The following DOCK1 variants were observed in gnomAD, a reference collection of about 807,000 sequenced individuals.
DOCK1 encodes dedicator of cytokinesis protein 1.
Under a neutral mutation model 262.7 loss-of-function variants are expected in DOCK1, and 138 were observed. The observed-to-expected ratio is 0.53, with a 90% CI of 0.46 to 0.61. The LOEUF is 0.61. Among genes scored for constraint, DOCK1 ranks in the 20% least tolerant of loss-of-function variants. The probability of loss-of-function intolerance (pLI) is 0.00; values close to 1 mark genes in which losing one functional copy is unlikely to be tolerated. For missense variants in DOCK1, 1,908 were observed against 2,370.7 expected, an observed-to-expected ratio of 0.80 and a Z score of 4.05; for synonymous variants, 866 against 867.4, an observed-to-expected ratio of 1.00 and a Z score of 0.03.
At chr10:127,023,084 A>G (rs2042558590) in intron 13 of DOCK1, 116 bp from the exon 14 acceptor site, 2 of 1,181,652 alleles carry the variant, frequency 1.7e-6, no homozygotes, top group African/African-American at 1.6e-5. Flanking sequence ...ATATTTCATA[A>G]TCATCTAATA....
chr10:127,265,543 C>T (rs1564949952), intron 29 of DOCK1, among the ~76,000 whole-genome samples: 1 of 152,200 alleles, frequency 6.6e-6, no homozygotes, highest in African/African-American at 2.4e-5. Context: ...ATGATTCATC[C>T]TTCTTTCAAC....
chr10:127,156,519 ACTTTT>A (rs1298958857), intron 27 of DOCK1, among the ~76,000 whole-genome samples: 1 of 127,846 alleles, frequency 7.8e-6, no homozygotes, highest in African/African-American at 2.9e-5. Context: ...TCTTTTCTTT[ACTTTT>A]CTTTTCTCTT....
intron 1 of DOCK1, among the ~76,000 whole-genome samples, chr10:126,948,636 G>T (rs1181671139): frequency 6.6e-6 from 1 of 151,944 alleles, no homozygotes; most frequent in Non-Finnish European, 1.5e-5. Flanking sequence ...TTCCCGATGT[G>T]GGGTTGCAGG....
At chr10:127,277,592 T>C (rs2060787740) in intron 29 of DOCK1, among the ~76,000 whole-genome samples, 1 of 152,116 alleles carries the variant, frequency 6.6e-6, no homozygotes, top group African/African-American at 2.4e-5. Context: ...ACCTCGTCTC[T>C]ACTAAAAAAT....
chr10:127,204,812 G>T (rs938112587), intron 27 of DOCK1, among the ~76,000 whole-genome samples: 1 of 152,174 alleles, frequency 6.6e-6, no homozygotes, highest in Non-Finnish European at 1.5e-5. Context: ...GGCTTTGAGA[G>T]GCCGTGATAG....
chr10:127,386,554 C>T (rs1250230226), intron 38 of DOCK1, among the ~76,000 whole-genome samples: 4 of 151,284 alleles, frequency 2.6e-5, no homozygotes, highest in Non-Finnish European at 4.4e-5. Context: ...ATCTAGGTGC[C>T]ATACTCCTCA....
chr10:126,976,827 G>T (rs545395658), intron 2 of DOCK1, among the ~76,000 whole-genome samples: 2 of 151,842 alleles, frequency 1.3e-5, no homozygotes, highest in African/African-American at 4.8e-5. Context: ...TCTGCCTCTC[G>T]GGTTTAAGCA....
rs747196591 is a variant in DOCK1 at position 127,061,731 on chromosome 10, C to A, written c.2400C>A (p.Ile800=). 6.3e-7 allele frequency: 1 copy of A among 1,597,378 alleles called. No individual in the cohort carries two copies. Among genetic ancestry groups the A allele is most frequent in the East Asian group, 2.3e-5 (1 of 44,312 alleles). ...CTTTGCTGCAGCTCTTCAGGTCCAT[C>A]AATGACATGATGAGCAGCATGTCAG... ...VESLLQLFRS[I]NDMMSSMSDQ... Residue 800 remains isoleucine, a synonymous_variant, in exon 23 of 52, where the codon ATC becomes ATA. Coordinates refer to ENST00000623213, the MANE Select transcript of DOCK1 (RefSeq NM_001290223.2).
chr10:126,969,952 T>G (rs2134665224), intron 1 of DOCK1, among the ~76,000 whole-genome samples: 1 of 152,310 alleles, frequency 6.6e-6, no homozygotes, highest in East Asian at 1.9e-4. Flanking sequence ...GAATGCTATA[T>G]CCTATTAGGT....
chr10:127,369,587 A>G (rs1344678057), intron 33 of DOCK1, among the ~76,000 whole-genome samples: 2 of 152,176 alleles, frequency 1.3e-5, no homozygotes, highest in Admixed American at 6.5e-5. Context: ...TGTGTCATGT[A>G]GACATAAGGA....
intron 29 of DOCK1, among the ~76,000 whole-genome samples, chr10:127,320,401 G>T (rs903259979): frequency 1.3e-5 from 2 of 152,222 alleles, no homozygotes; most frequent in Non-Finnish European, 2.9e-5. Flanking sequence ...CCTTGCGTAA[G>T]TAGAATGAGA....
chr10:127,088,428 A>G (rs1233203163), intron 23 of DOCK1, among the ~76,000 whole-genome samples: 1 of 152,152 alleles, frequency 6.6e-6, no homozygotes, highest in Non-Finnish European at 1.5e-5. Flanking sequence ...CCTAGTGGTT[A>G]TGTGCATGGT....
intron 27 of DOCK1, among the ~76,000 whole-genome samples, chr10:127,152,057 G>C (rs1194092333): frequency 6.6e-6 from 1 of 151,830 alleles, no homozygotes; most frequent in Non-Finnish European, 1.5e-5. Flanking sequence ...TATTACGTAG[G>C]TTTAGGCTGA....
Position 127,452,036 on chromosome 10 carries a change from G to A in DOCK1, c.*609G>A, listed in dbSNP as rs193230912. 1.6e-3 allele frequency: 246 copies of A among 152,790 alleles called. 4 individuals carry two copies. Among genetic ancestry groups the A allele is most frequent in the Non-Finnish European group, 1.6e-3 (110 of 68,100 alleles). 9.5% of individuals were successfully genotyped at this position (152,790 alleles called of 1,614,324 possible). A position where few individuals can be genotyped will look rare whatever the true frequency, so the allele number is the denominator to read the frequency against. On this transcript the variant is annotated 3_prime_UTR_variant, in exon 52 of 52. Transcript: ENST00000623213. ...TTGAACAGTTACTAATTTATGGGGT[G>A]GAAACAGCATTAAGAATACTGAATC...
intron 1 of DOCK1, among the ~76,000 whole-genome samples, chr10:126,915,028 G>A (rs750338374): frequency 3.9e-5 from 6 of 152,168 alleles, no homozygotes; most frequent in African/African-American, 7.2e-5. Flanking sequence ...TTTTCTCACC[G>A]TGACCTGAGT....
chr10:127,052,828 C>G lies in DOCK1; in HGVS notation c.2336+13C>G, dbSNP rs373342855. On this transcript the variant is annotated intron_variant, in intron 22 of 51. Transcript: ENST00000623213. ...TCCTGTTCAATCAGTGCGTACCTAT[C>G]CCCTCCATGCCCGGGCTCTCAGAGG... The G allele has an allele frequency of 1.7e-5, 28 of 1,601,176 alleles. No individual in the cohort carries two copies. Among genetic ancestry groups the G allele is most frequent in the East Asian group, 4.5e-5 (2 of 44,452 alleles).
intron 27 of DOCK1, among the ~76,000 whole-genome samples, chr10:127,238,685 T>G (rs923171994): frequency 2.0e-5 from 3 of 152,106 alleles, no homozygotes; most frequent in African/African-American, 7.2e-5. Flanking sequence ...CAGGGGAGCC[T>G]CCCCACACCA....
intron 29 of DOCK1, among the ~76,000 whole-genome samples, chr10:127,282,198 T>C (rs2060985206): frequency 6.6e-6 from 1 of 152,042 alleles, no homozygotes; most frequent in South Asian, 2.1e-4. Flanking sequence ...AAGGGTGCAC[T>C]CTTGTGTTCT....
chr10:127,064,655 C>T (rs948272877), intron 23 of DOCK1, among the ~76,000 whole-genome samples: 24 of 152,206 alleles, frequency 1.6e-4, no homozygotes, highest in Non-Finnish European at 2.6e-4. Context: ...AGGCGCCCGC[C>T]GTGCCCAGAT....
Sources: gnomAD v4.1 joint callset for allele counts (sites outside exome capture counted in the v4.1 genomes callset) on GRCh38, gnomAD v4.1.1 for gene constraint, MANE v1.5 for transcripts, NCBI Gene and HGNC (gene_info 2026-07-23, HGNC 2026-07-21) for gene names.